Variants in ZNF723 observed in about 807,000 individuals in gnomAD.
ZNF723 encodes zinc finger protein 723.
ZNF723 carries 5 observed loss-of-function variants against 9.4 expected under a neutral mutation model. The observed-to-expected ratio is 0.53, with a 90% confidence interval of 0.28 to 1.12. The LOEUF (loss-of-function observed/expected upper bound fraction) is 1.12. Ranked by LOEUF, ZNF723 falls within the 50% of genes most tolerant of loss-of-function variation. The pLI, the probability that ZNF723 is intolerant of heterozygous loss-of-function variation, is 0.10. For missense variants in ZNF723, 450 were observed against 501.5 expected (o/e 0.90, Z 0.98); for synonymous variants, 158 against 168.8 (o/e 0.94, Z 0.49).
the ZNF723 span, among the ~76,000 whole-genome samples, chr19:22,815,762 ACTGTTCTTT>A: frequency 6.6e-6 from 1 of 152,162 alleles, no homozygotes; most frequent in East Asian, 1.9e-4. Context: ...ATAAAGGATT[ACTGTTCTTT>A]TACATATCAT....
At chr19:22,837,229 A>T (rs981204457) in intron 1 of ZNF723, among the ~76,000 whole-genome samples, 5 of 150,762 alleles carry the variant, frequency 3.3e-5, no homozygotes, top group Non-Finnish European at 5.9e-5. Context: ...GGAGGCAGAG[A>T]TTGTGCCACT....
rs181742932 is a variant in ZNF723, at chr19:22,836,807, A to G, written c.3+4425A>G. On this transcript the variant is annotated intron_variant, in intron 1 of 3. Transcript: ENST00000600766. Reference sequence around the variant, plus strand: ...AAGCACAAAAAGGATAGAGAATTTTATTTATTATAGCTATTTACCAGGATT... The same window carrying G: ...AAGCACAAAAAGGATAGAGAATTTTGTTTATTATAGCTATTTACCAGGATT... Among the ~76,000 whole-genome samples the G allele has an allele frequency of 9.8e-4, 149 of 152,294 alleles. 1 individual carries two copies. The East Asian group carries it at 0.026, about 27-fold the overall frequency.
intron 3 of ZNF723, among the ~76,000 whole-genome samples, chr19:22,855,113 A>G (rs1041730504): frequency 3.9e-5 from 6 of 152,170 alleles, no homozygotes; most frequent in Non-Finnish European, 8.8e-5. Flanking sequence ...TAAATTTTAT[A>G]GAATAATTAC....
At chr19:22,848,729 TTTTATTTATTTATTTATTTATTTA>T (rs71163410) in intron 2 of ZNF723, among the ~76,000 whole-genome samples, 1 of 142,982 alleles carries the variant, frequency 7.0e-6, no homozygotes, top group Admixed American at 7.1e-5. Context: ...AGAGAAATTA[TTTTATTTATTTATTTATTTATTTA>T]TTTATTTATT....
the ZNF723 span, among the ~76,000 whole-genome samples, chr19:22,818,778 G>A: frequency 6.6e-6 from 1 of 152,092 alleles, no homozygotes; most frequent in Non-Finnish European, 1.5e-5. Context: ...TTCTCCCTTG[G>A]TGCTGTTTGC....
At position 22,849,498 on chromosome 19, in the gene ZNF723, T is replaced by C. The variant is rs140295008; in HGVS notation, c.226+205T>C. ...TTTTCTAAGGATTCTACTTTCCCTT[T>C]TGTGATCTTCCTTGAAGTTTACAGT... is the stretch of plus-strand genomic sequence containing the variant. On this transcript the variant is annotated intron_variant, in intron 3 of 3. Transcript: ENST00000600766. 1.5e-3 allele frequency among the ~76,000 whole-genome samples: 229 copies of C among 152,338 alleles called. 3 individuals carry two copies. The East Asian group carries it at 0.038, about 26-fold the overall frequency.
At chr19:22,812,857 A>G in the ZNF723 span, among the ~76,000 whole-genome samples, 1 of 152,224 alleles carries the variant, frequency 6.6e-6, no homozygotes, top group Non-Finnish European at 1.5e-5. Flanking sequence ...GTAAGCATCC[A>G]CAGTCTGTAG....
At chr19:22,844,764 T>C (rs1176066036) in intron 1 of ZNF723, among the ~76,000 whole-genome samples, 1 of 152,190 alleles carries the variant, frequency 6.6e-6, no homozygotes, top group Non-Finnish European at 1.5e-5. Flanking sequence ...CTGTGCCTGC[T>C]TTCTCTAATG....
At chr19:22,844,582 A>G (rs1435282111) in intron 1 of ZNF723, among the ~76,000 whole-genome samples, 15 of 152,240 alleles carry the variant, frequency 9.9e-5, no homozygotes, top group Admixed American at 9.8e-4. Context: ...GTACATGTGT[A>G]TATGTTGTTT....
chr19:22,827,881 C>T (rs968191305), upstream of ZNF723, among the ~76,000 whole-genome samples: 17 of 151,900 alleles, frequency 1.1e-4, no homozygotes, highest in African/African-American at 4.1e-4. Context: ...TCGAGACCAG[C>T]CTGACCAAAA....
At chr19:22,838,170 T>C (rs116505853) in intron 1 of ZNF723, among the ~76,000 whole-genome samples, 2,066 of 152,320 alleles carry the variant, frequency 0.014, 46 homozygotes, top group African/African-American at 0.047. Context: ...TCTTCTTTGT[T>C]CTCCCACTCT....
At chr19:22,826,142 T>A in the ZNF723 span, among the ~76,000 whole-genome samples, 56,900 of 152,036 alleles carry the variant, frequency 0.37, 11,166 homozygotes, top group African/African-American at 0.52. Context: ...CCTTGCCCAC[T>A]GGGGGCATTG....
chr19:22,829,895 A>C (rs1446153405), upstream of ZNF723, among the ~76,000 whole-genome samples: 2 of 152,262 alleles, frequency 1.3e-5, no homozygotes, highest in East Asian at 3.9e-4. Context: ...CTTTCTGTAC[A>C]TCCTTGAATT....
chr19:22,821,199 G>A, the ZNF723 span, among the ~76,000 whole-genome samples: 211 of 152,264 alleles, frequency 1.4e-3, no homozygotes, highest in African/African-American at 4.9e-3. Flanking sequence ...ATGGAATTTT[G>A]AATCTCATTT....
chr19:22,816,410 A>T, the ZNF723 span, among the ~76,000 whole-genome samples: 2 of 152,164 alleles, frequency 1.3e-5, no homozygotes, highest in Non-Finnish European at 2.9e-5. Context: ...TGACTTCACT[A>T]AAGGGACACT....
intron 3 of ZNF723, among the ~76,000 whole-genome samples, chr19:22,854,873 C>A (rs1457513966): frequency 2.0e-5 from 3 of 151,944 alleles, no homozygotes; most frequent in African/African-American, 4.8e-5. Flanking sequence ...CATGGAGAAA[C>A]CCTGTCTCTA....
chr19:22,838,886 T>TA (rs1967202671), intron 1 of ZNF723, among the ~76,000 whole-genome samples: 2 of 152,108 alleles, frequency 1.3e-5, no homozygotes, highest in South Asian at 4.1e-4. Context: ...TAGCTGGGCT[T>TA]ACAGGCATGC....
At chr19:22,846,813 CTTTTTTTTTTTTT>C (rs760924027) in intron 1 of ZNF723, among the ~76,000 whole-genome samples, 3 of 69,112 alleles carry the variant, frequency 4.3e-5, no homozygotes, top group African/African-American at 1.2e-4. Context: ...CTATAATTTC[CTTTTTTTTTTTTT>C]TTTTTTTTTT....
At chr19:22,848,729 TTTTA>T (rs71163410) in intron 2 of ZNF723, among the ~76,000 whole-genome samples, 78,140 of 142,798 alleles carry the variant, frequency 0.55, 22,068 homozygotes, top group South Asian at 0.64. Context: ...AGAGAAATTA[TTTTA>T]TTTATTTATT....
Sources: gnomAD v4.1 joint callset for allele counts (sites outside exome capture counted in the v4.1 genomes callset) on GRCh38, gnomAD v4.1.1 for gene constraint, MANE v1.5 for transcripts, NCBI Gene and HGNC (gene_info 2026-07-23, HGNC 2026-07-21) for gene names.